The following GDF11 variants were observed in gnomAD, a reference collection of about 807,000 sequenced individuals.
GDF11 encodes growth/differentiation factor 11.
Under a neutral mutation model 34.4 loss-of-function variants are expected in GDF11, and 12 were observed. That is an observed-to-expected ratio of 0.35 (90% CI 0.22 to 0.57). The LOEUF is 0.57. Among genes scored for constraint, GDF11 ranks in the 20% least tolerant of loss-of-function variants. The pLI is 0.86. For synonymous variants in GDF11, 212 were observed against 231.1 expected, an observed-to-expected ratio of 0.92 and a Z score of 0.75; for missense variants, 346 against 548.2, an observed-to-expected ratio of 0.63 and a Z score of 3.68.
At position 55,752,735 on chromosome 12, in the gene GDF11, C is replaced by CA. The variant is rs1565667232; in HGVS notation, c.*2858dup. The CA allele has an allele frequency of 2.0e-5, 3 of 151,962 alleles. No homozygotes were observed. Among genetic ancestry groups the CA allele is most frequent in the African/African-American group, 7.3e-5 (3 of 41,350 alleles). The allele number at this position is 151,962 out of a possible 1,614,324, so 9.4% of individuals were successfully genotyped here. A position where few individuals can be genotyped will look rare whatever the true frequency, so the allele number is the denominator to read the frequency against. On this transcript the variant is annotated 3_prime_UTR_variant, in exon 3 of 3. Coordinates refer to ENST00000257868, the MANE Select transcript of GDF11 (RefSeq NM_005811.5). ...CAAGGCTTCCTGGAGGGAACCACTG[C>CA]AAAAAGGCCATCAGGCAGTTTTCAA...
Position 55,756,183 on chromosome 12 carries a change from G to C in GDF11, c.*6301G>C, listed in dbSNP as rs1420181344. ...GAAGGCAGACAGAAAAGAGGGAAAA[G>C]GGAAGGTCATTCCAATTTTAAGGTT... On this transcript the variant is annotated 3_prime_UTR_variant, in exon 3 of 3. Transcript: ENST00000257868. 6.6e-6 allele frequency: 1 copy of C among 152,202 alleles called. No individual in the cohort carries two copies. The highest frequency in any genetic ancestry group is 2.4e-5 in the African/African-American group (1 of 41,446). 9.4% of individuals were successfully genotyped at this position (152,202 alleles called of 1,614,324 possible). A position where few individuals can be genotyped will look rare whatever the true frequency, so the allele number is the denominator to read the frequency against.
In GDF11 at chr12:55,753,333, G is replaced by C. The variant is rs1051489820; in HGVS notation, c.*3451G>C. 6.6e-6 allele frequency: 1 copy of C among 152,168 alleles called. No homozygotes were observed. Among genetic ancestry groups the C allele is most frequent in the African/African-American group, 2.4e-5 (1 of 41,426 alleles). 9.4% of individuals were successfully genotyped at this position (152,168 alleles called of 1,614,324 possible). A position where few individuals can be genotyped will look rare whatever the true frequency, so the allele number is the denominator to read the frequency against. On this transcript the variant is annotated 3_prime_UTR_variant, in exon 3 of 3. Transcript: ENST00000257868. ...CCAACATAGCCAACGAACTTGCCTT[G>C]TTACACAAGAGTGGCTAAAATAGCA...
Position 55,743,616 on chromosome 12 carries a change from G to A in GDF11, c.300G>A (p.Val100=). 6.2e-7 allele frequency: 1 copy of A among 1,605,166 alleles called. No individual in the cohort carries two copies. Among genetic ancestry groups the A allele is most frequent in the Non-Finnish European group, 8.5e-7 (1 of 1,179,776 alleles). ...KEAPNISREV[V]KQLLPKAPPL... is the part of the protein sequence containing the mutation. ...CGCCCAACATCAGCCGCGAGGTGGT[G>A]AAGCAGCTGCTGCCCAAGGCGCCGC... Residue 100 remains valine (V), a synonymous_variant, in exon 1 of 3, where the codon GTG becomes GTA. Transcript: ENST00000257868.
In GDF11 at chr12:55,748,159, C is replaced by A. The variant is rs369871348; in HGVS notation, c.446-427C>A. 4.6e-4 allele frequency among the ~76,000 whole-genome samples: 70 copies of A among 152,254 alleles called. No individual in the cohort carries two copies. Among genetic ancestry groups the A allele is most frequent in the African/African-American group, 1.6e-3 (67 of 41,536 alleles). On this transcript the variant is annotated intron_variant, in intron 1 of 2. Coordinates refer to ENST00000257868, the MANE Select transcript of GDF11 (RefSeq NM_005811.5). This position sits in a 1 kb window ranked among gnomAD's most constrained non-coding sequence, Gnocchi z 5.6. The stretch of plus-strand genomic sequence containing the variant: ...GAGGGATGTGCCAGGCTCTACCTGT[C>A]CAGCAGATAAATCAGAGCAGATAGG...
intron 1 of GDF11, among the ~76,000 whole-genome samples, chr12:55,746,271 C>G (rs910545160): frequency 5.9e-5 from 9 of 152,148 alleles, no homozygotes; most frequent in African/African-American, 2.2e-4. Flanking sequence ...TCCTTTACCC[C>G]ACTAGGTTTA....
At position 55,753,750 on chromosome 12, in the gene GDF11, CAG is replaced by C; in HGVS notation, c.*3871_*3872del. ...GCACCACTGCACTCTAGCATGGTGA[CAG>C]AGTGAGACTCCCATCTCCAAAAAAA... On this transcript the variant is annotated 3_prime_UTR_variant, in exon 3 of 3. Transcript: ENST00000257868. 1 of 118,110 alleles carries C rather than the reference CAG, an allele frequency of 8.5e-6. No individual in the cohort carries two copies. The highest frequency in any genetic ancestry group is 1.6e-5 in the Non-Finnish European group (1 of 62,906). The allele number at this position is 118,110 out of a possible 1,614,324, so 7.3% of individuals were successfully genotyped here. A position where few individuals can be genotyped will look rare whatever the true frequency, so the allele number is the denominator to read the frequency against.
At chr12:55,746,223 C>G (rs770961502) in intron 1 of GDF11, among the ~76,000 whole-genome samples, 1 of 152,156 alleles carries the variant, frequency 6.6e-6, no homozygotes, top group African/African-American at 2.4e-5. Flanking sequence ...ACCTGCTTCT[C>G]CTTTGTTCCT....
At position 55,748,821 on chromosome 12, in the gene GDF11, G is replaced by A. The variant is rs995026497; in HGVS notation, c.681G>A (p.Glu227=). The part of the protein sequence containing the change: ...RHIRIRSLKI[E]LHSRSGHWQS... ...TCCGTATCCGCTCACTGAAGATTGAGCTGCACTCACGCTCAGGCCATTGGC... is the reference window on the plus strand; with the variant it reads ...TCCGTATCCGCTCACTGAAGATTGAACTGCACTCACGCTCAGGCCATTGGC... Residue 227 remains glutamate, a synonymous_variant, in exon 2 of 3, where the codon GAG becomes GAA. Transcript: ENST00000257868. This position sits in a 1 kb window ranked among gnomAD's most constrained non-coding sequence, Gnocchi z 5.6. The A allele has an allele frequency of 6.2e-7, 1 of 1,614,092 alleles. No homozygotes were observed. The highest frequency in any genetic ancestry group is 8.5e-7 in the Non-Finnish European group (1 of 1,180,034).
chr12:55,749,991 AC>A lies in GDF11; in HGVS notation c.*111del. 1 of 951,196 alleles carries A rather than the reference AC, an allele frequency of 1.1e-6. No homozygotes were observed. Among genetic ancestry groups the A allele is most frequent in the East Asian group, 2.5e-5 (1 of 40,770 alleles). 58.9% of individuals were successfully genotyped at this position (951,196 alleles called of 1,614,324 possible). A position where few individuals can be genotyped will look rare whatever the true frequency, so the allele number is the denominator to read the frequency against. ...CCTCCACTCTTCCCGCGAACATCAC[AC>A]CGTTCCCCGACCAAGCCGTGTGCAA... On this transcript the variant is annotated 3_prime_UTR_variant, in exon 3 of 3. Transcript: ENST00000257868. This position sits in a 1 kb window ranked among gnomAD's most constrained non-coding sequence, Gnocchi z 5.6.
rs1878485886 is a variant in GDF11, at chr12:55,755,712, G to A, written c.*5830G>A. The A allele has an allele frequency of 6.6e-6, 1 of 152,112 alleles. No individual in the cohort carries two copies. Among genetic ancestry groups the A allele is most frequent in the Non-Finnish European group, 1.5e-5 (1 of 68,022 alleles). 9.4% of individuals were successfully genotyped at this position (152,112 alleles called of 1,614,324 possible). Reference sequence around the variant, plus strand: ...GACTATAATGAGATAGGAAGGGGAGGACTTCATCTGGCTTGGAGGTTAGAG... The same window carrying A: ...GACTATAATGAGATAGGAAGGGGAGAACTTCATCTGGCTTGGAGGTTAGAG... On this transcript the variant is annotated 3_prime_UTR_variant, in exon 3 of 3. Coordinates refer to ENST00000257868, the MANE Select transcript of GDF11 (RefSeq NM_005811.5).
rs769433553 is a variant in GDF11 at position 55,749,001 on chromosome 12, G to A, written c.843+18G>A. On this transcript the variant is annotated intron_variant, in intron 2 of 2. Coordinates refer to ENST00000257868, the MANE Select transcript of GDF11 (RefSeq NM_005811.5). This position sits in a 1 kb window ranked among gnomAD's most constrained non-coding sequence, Gnocchi z 5.6. ...AGGGGCTGGTGAGCAGGGGGCCTGA[G>A]GTGGTGGATATGTGTAACCTGGCCC... The A allele has an allele frequency of 1.9e-6, 3 of 1,584,422 alleles. No individual in the cohort carries two copies. The Admixed American group carries it at 5.1e-5, about 27-fold the overall frequency.
At chr12:55,745,284 G>A (rs1327097661) in intron 1 of GDF11, among the ~76,000 whole-genome samples, 2 of 152,070 alleles carry the variant, frequency 1.3e-5, no homozygotes, top group South Asian at 2.1e-4. Flanking sequence ...ATGGGTGATG[G>A]GGCTGTGGAC....
rs1878260751 is a variant in GDF11 at position 55,749,618 on chromosome 12, G to A, written c.960G>A (p.Val320=). The change falls in exon 3 of 3, where the codon GTG becomes GTA. Residue 320 remains valine, a synonymous_variant. Transcript: ENST00000257868. The surrounding 1 kb of genome is among the most constrained non-coding windows in gnomAD (Gnocchi z 5.6). The stretch of plus-strand genomic sequence containing the variant: ...GCTGCTGCCGATATCCCCTCACAGT[G>A]GACTTTGAGGCTTTCGGCTGGGACT... ...ESRCCRYPLT[V]DFEAFGWDWI... 2 of 1,614,030 alleles carry A rather than the reference G, an allele frequency of 1.2e-6. No individual in the cohort carries two copies. Among genetic ancestry groups the A allele is most frequent in the Non-Finnish European group, 8.5e-7 (1 of 1,180,030 alleles).
Position 55,748,503 on chromosome 12 carries a change from T to C in GDF11, c.446-83T>C, listed in dbSNP as rs1300987684. On this transcript the variant is annotated intron_variant, in intron 1 of 2. Transcript: ENST00000257868. The surrounding 1 kb of genome is among the most constrained non-coding windows in gnomAD (Gnocchi z 5.6). ...AGAACTGGAAAATCAGGCTGAGAAG[T>C]CCAAAATTGCCAGTGCCACCCAGGA... 1.4e-5 allele frequency: 18 copies of C among 1,295,044 alleles called. No homozygotes were observed. Among genetic ancestry groups the C allele is most frequent in the Admixed American group, 2.2e-5 (1 of 45,074 alleles). The allele number at this position is 1,295,044 out of a possible 1,614,324, so 80.2% of individuals were successfully genotyped here. A position where few individuals can be genotyped will look rare whatever the true frequency, so the allele number is the denominator to read the frequency against.
intron 1 of GDF11, among the ~76,000 whole-genome samples, chr12:55,746,183 C>CT (rs1291154456): frequency 2.0e-5 from 3 of 152,190 alleles, no homozygotes; most frequent in Non-Finnish European, 2.9e-5. Flanking sequence ...GCTGGGTACT[C>CT]TCTCGAGCCC....
Position 55,743,804 on chromosome 12 carries a change from GC to G in GDF11, c.445+47del, listed in dbSNP as rs1295197182. 3.5e-6 allele frequency: 5 copies of G among 1,439,374 alleles called. No individual in the cohort carries two copies. In the South Asian group the frequency reaches 6.7e-5, roughly 19 times the overall value. 89.2% of individuals were successfully genotyped at this position (1,439,374 alleles called of 1,614,324 possible). A position where few individuals can be genotyped will look rare whatever the true frequency, so the allele number is the denominator to read the frequency against. ...CGCGAGCAGTGGGGTGCTGGCTCTG[GC>G]CCCGCGAAGGGCGCCTTCTGCTCCA... On this transcript the variant is annotated intron_variant, in intron 1 of 2. Coordinates refer to ENST00000257868, the MANE Select transcript of GDF11 (RefSeq NM_005811.5).
Position 55,750,137 on chromosome 12 carries a change from C to T in GDF11, c.*255C>T. 2.0e-6 allele frequency: 1 copy of T among 503,738 alleles called. No homozygotes were observed. The allele number at this position is 503,738 out of a possible 1,614,324, so 31.2% of individuals were successfully genotyped here. ...CAGATGAGAAGGTTTGACAAAAAGA[C>T]AGAGAGATGTAGAGACAGTGATAGA... On this transcript the variant is annotated 3_prime_UTR_variant, in exon 3 of 3. Transcript: ENST00000257868.
Position 55,743,683 on chromosome 12 carries a change from G to T in GDF11, c.367G>T (p.Ala123Ser). The T allele has an allele frequency of 6.2e-7, 1 of 1,602,788 alleles. No homozygotes were observed. Among genetic ancestry groups the T allele is most frequent in the South Asian group, 1.1e-5 (1 of 90,958 alleles). Reference protein sequence around the residue: ...ILDLHDFQGDALQPEDFLEED... With the variant: ...ILDLHDFQGDSLQPEDFLEED... ...GGACCTACACGACTTCCAGGGCGAC[G>T]CGCTGCAGCCCGAGGACTTCCTGGA... The change falls in exon 1 of 3, where the codon GCG becomes TCG. Residue 123 changes from alanine (A) to serine (S), a missense_variant. Ala to Ser is a moderately conservative substitution (Grantham distance 99). Transcript: ENST00000257868.
intron 1 of GDF11, among the ~76,000 whole-genome samples, chr12:55,744,182 T>A (rs553743972): frequency 2.6e-5 from 4 of 152,138 alleles, no homozygotes; most frequent in Non-Finnish European, 5.9e-5. Context: ...CCAGTGGCCC[T>A]GGCGGTAACT....
Sources: allele counts gnomAD v4.1 joint callset (sites outside exome capture counted in the v4.1 genomes callset), GRCh38; gene constraint gnomAD v4.1.1; non-coding constraint Gnocchi (gnomAD v3.1); transcripts MANE v1.5; gene names NCBI Gene and HGNC (gene_info 2026-07-23, HGNC 2026-07-21).